GOLIM4: variants seen among roughly 807,000 people sequenced by gnomAD.
The protein encoded by GOLIM4 is golgi integral membrane protein 4, also known as 130 kDa golgi-localized phosphoprotein.
A neutral mutation model predicts 107.4 loss-of-function variants in GOLIM4; 71 were observed. The ratio of observed to expected loss-of-function variants is 0.66; its 90% CI spans 0.55 to 0.81. The LOEUF is 0.81. Ranked by LOEUF, GOLIM4 falls within the 30% of genes least tolerant of loss-of-function variation. The pLI, the probability that GOLIM4 is intolerant of heterozygous loss-of-function variation, is 0.00. For synonymous variants in GOLIM4, 327 were observed against 294.8 expected (o/e 1.11, Z -1.12); for missense variants, 830 against 826.1 (o/e 1.00, Z -0.06).
rs2108200817 is a variant in GOLIM4, at chr3:168,010,023, G to A, written c.*246C>T. The A allele has an allele frequency of 3.0e-6, 1 of 332,708 alleles. No homozygotes were observed. The highest frequency in any genetic ancestry group is 5.3e-6 in the Non-Finnish European group (1 of 187,656). The allele number at this position is 332,708 out of a possible 1,614,324, so 20.6% of individuals were successfully genotyped here. Reference sequence around the variant, plus strand: ...AATCTATTAAAAAAATTGGGACGTGGGGGCTCAGGTTTACTTTATTGTTTT... The same window carrying A: ...AATCTATTAAAAAAATTGGGACGTGAGGGCTCAGGTTTACTTTATTGTTTT... On this transcript the variant is annotated 3_prime_UTR_variant, in exon 16 of 16. Transcript: ENST00000470487.
intron 5 of GOLIM4, 113 bp downstream of exon 5, chr3:168,043,266 C>A (rs997525349): frequency 1.4e-6 from 1 of 709,910 alleles, no homozygotes. Flanking sequence ...TGGTAAAGGA[C>A]CACATGATAA....
intron 1 of GOLIM4, among the ~76,000 whole-genome samples, chr3:168,068,113 G>A (rs778901392): frequency 4.6e-5 from 7 of 151,922 alleles, no homozygotes; most frequent in Non-Finnish European, 1.0e-4. Context: ...TTAAATTAAT[G>A]TATACAATAT....
chr3:168,034,442 T>C (rs2108234158), intron 8 of GOLIM4, among the ~76,000 whole-genome samples: 1 of 152,300 alleles, frequency 6.6e-6, no homozygotes, highest in African/African-American at 2.4e-5. Context: ...GTTATTAACA[T>C]AAGAGCCTGA....
At position 168,024,532 on chromosome 3, in the gene GOLIM4, T is replaced by C. The variant is rs1310480493; in HGVS notation, c.1854A>G (p.Glu618=). ...GGGATTCAATCCTTACTACCTCCTCTTCTGCCTCTTCCTGGTACTGTTCAT... is the reference window on the plus strand; with the variant it reads ...GGGATTCAATCCTTACTACCTCCTCCTCTGCCTCTTCCTGGTACTGTTCAT... ...NVDEQYQEEA[E]EEVQEDLTEE... Residue 618 remains glutamate (E), a synonymous_variant, in exon 14 of 16, where the codon GAA becomes GAG. Transcript: ENST00000470487. 6.2e-7 allele frequency: 1 copy of C among 1,608,490 alleles called. No individual in the cohort carries two copies. The highest frequency in any genetic ancestry group is 1.1e-5 in the South Asian group (1 of 90,956).
chr3:168,029,690 A>G (rs992513304), intron 10 of GOLIM4, 90 bp downstream of exon 10: 36 of 1,481,778 alleles, frequency 2.4e-5, no homozygotes, highest in Non-Finnish European at 2.9e-5. Context: ...CCTTAACTTC[A>G]TGAATCACAA....
intron 1 of GOLIM4, among the ~76,000 whole-genome samples, chr3:168,064,053 C>T (rs1217116366): frequency 6.6e-6 from 1 of 152,178 alleles, no homozygotes. Flanking sequence ...ATCATAATAT[C>T]ACCCAAGATG....
At chr3:168,064,638 C>CGTTGCCCA (rs1720448663) in intron 1 of GOLIM4, among the ~76,000 whole-genome samples, 1 of 148,788 alleles carries the variant, frequency 6.7e-6, no homozygotes, top group Admixed American at 6.7e-5. Context: ...GGTCTCGCTA[C>CGTTGCCCA]GTTGCCCAGG....
At chr3:168,032,013 T>C (rs768189316) in intron 9 of GOLIM4, among the ~76,000 whole-genome samples, 6 of 152,176 alleles carry the variant, frequency 3.9e-5, no homozygotes, top group Admixed American at 2.0e-4. Context: ...GCTGTTTAGA[T>C]ATGCTCACCT....
At chr3:168,089,592 C>G (rs571337714) in intron 1 of GOLIM4, among the ~76,000 whole-genome samples, 31 of 152,204 alleles carry the variant, frequency 2.0e-4, no homozygotes, top group African/African-American at 7.2e-4. Context: ...AGCAGAAAAT[C>G]AAATCCAAGT....
intron 1 of GOLIM4, among the ~76,000 whole-genome samples, chr3:168,087,653 C>A (rs1721693826): frequency 6.6e-6 from 1 of 152,156 alleles, no homozygotes; most frequent in Non-Finnish European, 1.5e-5. Context: ...TTCTTAAAAC[C>A]ATTAATACTG....
chr3:168,077,971 ATATT>A lies in GOLIM4; in HGVS notation c.187+17124_187+17127del, dbSNP rs1175431434. On this transcript the variant is annotated intron_variant, in intron 1 of 15. Transcript: ENST00000470487. ...CTAAAATGTATGATATACTCTAGATATATTTATTTATTTATTTATTTATTTTTGA... is the reference window on the plus strand; with the variant it reads ...CTAAAATGTATGATATACTCTAGATATATTTATTTATTTATTTATTTTTGA... 1.9e-3 allele frequency among the ~76,000 whole-genome samples: 296 copies of A among 151,972 alleles called. 2 individuals carry two copies. The highest frequency in any genetic ancestry group is 6.7e-3 in the African/African-American group (278 of 41,518).
chr3:168,037,973 G>A (rs886626470), intron 7 of GOLIM4, among the ~76,000 whole-genome samples: 11 of 152,164 alleles, frequency 7.2e-5, no homozygotes, highest in Non-Finnish European at 1.6e-4. Context: ...AGTGTGTGGG[G>A]CGCAGCAGGT....
At chr3:168,090,235 A>C (rs1200688120) in intron 1 of GOLIM4, among the ~76,000 whole-genome samples, 2 of 152,214 alleles carry the variant, frequency 1.3e-5, no homozygotes, top group East Asian at 3.9e-4. Flanking sequence ...ACAACACAGT[A>C]AACAGCCTAC....
intron 12 of GOLIM4, among the ~76,000 whole-genome samples, chr3:168,025,300 A>G (rs950793637): frequency 6.6e-6 from 1 of 152,244 alleles, no homozygotes; most frequent in Non-Finnish European, 1.5e-5. Flanking sequence ...TTGATGAATC[A>G]GAATGAGGTT....
chr3:168,024,431 G>T, intron 14 of GOLIM4, 95 bp downstream of exon 14: 1 of 933,698 alleles, frequency 1.1e-6, no homozygotes, highest in Non-Finnish European at 1.8e-6. Flanking sequence ...CATTTCTGTG[G>T]AAGGCATGTC....
chr3:168,082,950 C>T (rs553024905), intron 1 of GOLIM4, among the ~76,000 whole-genome samples: 20 of 152,176 alleles, frequency 1.3e-4, no homozygotes, highest in Non-Finnish European at 2.4e-4. Context: ...CTTCCCAATC[C>T]AATCTCTTAT....
In GOLIM4 at chr3:168,032,736, T is replaced by C. The variant is rs1718404196; in HGVS notation, c.960A>G (p.Pro320=). 6.2e-7 allele frequency: 1 copy of C among 1,614,148 alleles called. No individual in the cohort carries two copies. Among genetic ancestry groups the C allele is most frequent in the Non-Finnish European group, 8.5e-7 (1 of 1,179,996 alleles). The change falls in exon 9 of 16, where the codon CCA becomes CCG. Residue 320 remains proline (P), a synonymous_variant. Coordinates refer to ENST00000470487, the MANE Select transcript of GOLIM4 (RefSeq NM_014498.5). Reference sequence around the variant, plus strand: ...CTCTGCGTTCCACTTCTTGTTGGATTGGCTCTGGGGGAGCCTGAAATTCTG... The same window carrying C: ...CTCTGCGTTCCACTTCTTGTTGGATCGGCTCTGGGGGAGCCTGAAATTCTG... ...KEAEFQAPPE[P]IQQEVERREP... is the part of the protein sequence containing the mutation.
At chr3:168,079,357 AC>A (rs1560107535) in intron 1 of GOLIM4, among the ~76,000 whole-genome samples, 2 of 152,328 alleles carry the variant, frequency 1.3e-5, no homozygotes, top group Non-Finnish European at 2.9e-5. Context: ...TACACAAAGT[AC>A]AAAAACAGGT....
chr3:168,032,880 C>T, intron 8 of GOLIM4, 28 bp from the exon 9 acceptor site: 1 of 1,507,046 alleles, frequency 6.6e-7, no homozygotes. Flanking sequence ...CTGGGAATGA[C>T]ACTCTTCCAA....
Sources: gnomAD v4.1 joint callset for allele counts (sites outside exome capture counted in the v4.1 genomes callset) on GRCh38, gnomAD v4.1.1 for gene constraint, MANE v1.5 for transcripts, NCBI Gene and HGNC (gene_info 2026-07-23, HGNC 2026-07-21) for gene names.